The following SLC26A3 variants were observed in gnomAD, a reference collection of about 807,000 sequenced individuals.
The protein encoded by SLC26A3 is chloride anion exchanger.
SLC26A3 carries 64 observed loss-of-function variants against 85.6 expected under a neutral mutation model. That is an observed-to-expected ratio of 0.75 (90% CI 0.61 to 0.92). SLC26A3 has a LOEUF of 0.92. Ranked by LOEUF, SLC26A3 falls within the 40% of genes least tolerant of loss-of-function variation. The pLI is 0.00. For synonymous variants in SLC26A3, 349 were observed against 336.0 expected (o/e 1.04, Z -0.42); for missense variants, 922 against 927.3 (o/e 0.99, Z 0.07).
At chr7:107,775,623 T>C (rs1794099011) in intron 15 of SLC26A3, among the ~76,000 whole-genome samples, 1 of 151,358 alleles carries the variant, frequency 6.6e-6, no homozygotes, top group South Asian at 2.1e-4. Flanking sequence ...TCTCATCTAC[T>C]TGGGGGGCTG....
intron 6 of SLC26A3, among the ~76,000 whole-genome samples, chr7:107,789,215 C>T (rs1449770617): frequency 1.6e-4 from 24 of 148,366 alleles, no homozygotes; most frequent in African/African-American, 5.7e-4. Flanking sequence ...CTCCTGGGTT[C>T]ACACCATTCT....
At chr7:107,801,504 C>A (rs942951616) in intron 1 of SLC26A3, among the ~76,000 whole-genome samples, 6 of 152,168 alleles carry the variant, frequency 3.9e-5, no homozygotes, top group Non-Finnish European at 8.8e-5. Flanking sequence ...GCTAGAGGAG[C>A]CTCTTCTCTT....
chr7:107,775,700 T>G (rs1226995134), intron 15 of SLC26A3, among the ~76,000 whole-genome samples: 1 of 151,712 alleles, frequency 6.6e-6, no homozygotes, highest in East Asian at 1.9e-4. Flanking sequence ...CCAGCCTGGG[T>G]GACAAAGCGA....
At chr7:107,790,336 A>G (rs191538006) in intron 5 of SLC26A3, among the ~76,000 whole-genome samples, 3 of 152,220 alleles carry the variant, frequency 2.0e-5, no homozygotes, top group South Asian at 4.1e-4. Flanking sequence ...CCCAAAGCCC[A>G]GTTGGGTTCC....
At position 107,793,823 on chromosome 7, in the gene SLC26A3, A is replaced by G; in HGVS notation, c.190T>C (p.Leu64=). Residue 64 remains leucine (L), a synonymous_variant, in exon 3 of 21, where the codon TTG becomes CTG. Transcript: ENST00000340010. ...CATTCTTTAAGCCGGTATGCTGGCAACCAAGATGCTATGGGGAACAAAGAG... is the reference window on the plus strand; with the variant it reads ...CATTCTTTAAGCCGGTATGCTGGCAGCCAAGATGCTATGGGGAACAAAGAG... ...VLSLFPIASW[L]PAYRLKEWLL... 12 of 1,614,156 alleles carry G rather than the reference A, an allele frequency of 7.4e-6. No individual in the cohort carries two copies. Among genetic ancestry groups the G allele is most frequent in the Non-Finnish European group, 1.0e-5 (12 of 1,179,994 alleles).
Position 107,791,873 on chromosome 7 carries a change from G to C in SLC26A3, c.339C>G (p.Ala113=). ...AAGTGCCGAAGAAAAGGTAGATTAT[G>C]GCTGGGAAAAAGGATGCATACAACC... is the stretch of plus-strand genomic sequence containing the variant. ...VYGLYASFFP[A]IIYLFFGTSR... Residue 113 remains alanine, a synonymous_variant, in exon 4 of 21, where the codon GCC becomes GCG. Transcript: ENST00000340010. The C allele has an allele frequency of 6.2e-7, 1 of 1,613,784 alleles. No individual in the cohort carries two copies. Among genetic ancestry groups the C allele is most frequent in the East Asian group, 2.2e-5 (1 of 44,852 alleles).
At chr7:107,788,022 A>C (rs1024152624) in intron 6 of SLC26A3, among the ~76,000 whole-genome samples, 9 of 152,106 alleles carry the variant, frequency 5.9e-5, no homozygotes, top group Non-Finnish European at 1.2e-4. Context: ...ACTGTGCACT[A>C]TGCATGTGCA....
chr7:107,791,217 C>A lies in SLC26A3; in HGVS notation c.401G>T (p.Ser134Ile). 2 of 1,614,224 alleles carry A rather than the reference C, an allele frequency of 1.2e-6. No homozygotes were observed. Among genetic ancestry groups the A allele is most frequent in the Non-Finnish European group, 1.7e-6 (2 of 1,180,050 alleles). Reference protein sequence around the residue: ...HISVGPFPILSMMVGLAVSGA... With the variant: ...HISVGPFPILIMMVGLAVSGA... ...TGAAACTGCTAGTCCCACCATCATACTCAGAATCGGAAACGGACCTAATTA... is the reference window on the plus strand; with the variant it reads ...TGAAACTGCTAGTCCCACCATCATAATCAGAATCGGAAACGGACCTAATTA... Residue 134 changes from serine (S) to isoleucine (I), a missense_variant, in exon 5 of 21, where the codon AGT (serine) becomes ATT (isoleucine). Ser to Ile is a moderately radical substitution (Grantham distance 142). Transcript: ENST00000340010.
intron 15 of SLC26A3, chr7:107,776,208 C>T (rs1794111958): frequency 1.9e-6 from 1 of 520,780 alleles, no homozygotes; most frequent in African/African-American, 1.9e-5. Flanking sequence ...TACTCTACAT[C>T]AGAATTTGAG....
intron 1 of SLC26A3, among the ~76,000 whole-genome samples, chr7:107,800,620 T>C (rs1794582789): frequency 6.6e-6 from 1 of 152,280 alleles, no homozygotes; most frequent in African/African-American, 2.4e-5. Context: ...TAACCATTTT[T>C]CCCTCTTTTG....
At chr7:107,782,765 A>C in intron 11 of SLC26A3, 32 bp downstream of exon 11, 1 of 1,597,240 alleles carries the variant, frequency 6.3e-7, no homozygotes, top group African/African-American at 1.3e-5. Context: ...TTTACCACTA[A>C]AAGTAGAGAT....
intron 1 of SLC26A3, among the ~76,000 whole-genome samples, chr7:107,802,895 C>A (rs1794622030): frequency 1.3e-5 from 2 of 152,096 alleles, no homozygotes; most frequent in South Asian, 2.1e-4. Flanking sequence ...TGCCTACAAC[C>A]ATTTACTTGT....
At chr7:107,774,755 G>T (rs775458233) in intron 16 of SLC26A3, 22 bp downstream of exon 16, 2 of 1,564,956 alleles carry the variant, frequency 1.3e-6, no homozygotes, top group Non-Finnish European at 1.8e-6. Flanking sequence ...ATAATGCATA[G>T]AAATGTGGTC....
Position 107,774,881 on chromosome 7 carries a change from C to T in SLC26A3, c.1678-9G>A. ...AGTGGACTAAAGCCAACCTGAGAAA[C>T]CCATTGCTGTGTTACAAGAGTACTG... is the stretch of plus-strand genomic sequence containing the variant. On this transcript the variant is annotated splice_polypyrimidine_tract_variant and intron_variant, in intron 15 of 20. Transcript: ENST00000340010. 1 of 1,608,820 alleles carries T rather than the reference C, an allele frequency of 6.2e-7. No individual in the cohort carries two copies. Among genetic ancestry groups the T allele is most frequent in the Non-Finnish European group, 8.5e-7 (1 of 1,175,190 alleles).
intron 18 of SLC26A3, among the ~76,000 whole-genome samples, chr7:107,768,661 C>T (rs900047303): frequency 1.2e-4 from 18 of 152,054 alleles, no homozygotes; most frequent in African/African-American, 4.4e-4. Context: ...TAAAAAAATT[C>T]CCAGCACATA....
At chr7:107,796,634 A>G (rs1243186165) in intron 1 of SLC26A3, among the ~76,000 whole-genome samples, 1 of 152,086 alleles carries the variant, frequency 6.6e-6, no homozygotes, top group Non-Finnish European at 1.5e-5. Context: ...TTTTTGGCTG[A>G]TTACCAACAA....
At chr7:107,795,742 T>C (rs889806500) in intron 1 of SLC26A3, among the ~76,000 whole-genome samples, 6 of 152,182 alleles carry the variant, frequency 3.9e-5, no homozygotes, top group African/African-American at 1.4e-4. Context: ...TTCCCTCTAA[T>C]CTTGTTCTGT....
At chr7:107,794,688 C>A in intron 1 of SLC26A3, 91 bp from the exon 2 acceptor site, 1 of 657,460 alleles carries the variant, frequency 1.5e-6, no homozygotes. Flanking sequence ...ATGTTACCAC[C>A]TTTTAAGATC....
At chr7:107,796,205 C>T (rs1270036995) in intron 1 of SLC26A3, among the ~76,000 whole-genome samples, 1 of 151,928 alleles carries the variant, frequency 6.6e-6, no homozygotes, top group Non-Finnish European at 1.5e-5. Flanking sequence ...AACTCCTAGG[C>T]TCAAGCGGTC....
Sources: gnomAD v4.1 joint callset for allele counts (sites outside exome capture counted in the v4.1 genomes callset) on GRCh38, gnomAD v4.1.1 for gene constraint, MANE v1.5 for transcripts, NCBI Gene and HGNC (gene_info 2026-07-23, HGNC 2026-07-21) for gene names.